NPAS3: variants seen among roughly 807,000 people sequenced by gnomAD.
The protein encoded by NPAS3 is neuronal PAS domain-containing protein 3.
In NPAS3, 14 loss-of-function variants were observed where a neutral mutation model predicts 73.1. The observed-to-expected ratio is 0.19, with a 90% CI of 0.13 to 0.30. The LOEUF (loss-of-function observed/expected upper bound fraction) is 0.30. NPAS3 is among the 10% of genes least tolerant of loss of function. NPAS3 has a pLI of 1.00. For synonymous variants in NPAS3, 620 were observed against 541.5 expected, an observed-to-expected ratio of 1.14 and a Z score of -2.01; for missense variants, 1,096 against 1,250.0, an observed-to-expected ratio of 0.88 and a Z score of 1.86.
intron 6 of NPAS3, among the ~76,000 whole-genome samples, chr14:33,714,284 G>C (rs182618411): frequency 6.8e-6 from 1 of 147,984 alleles, no homozygotes; most frequent in African/African-American, 2.5e-5. Context: ...CTAATGGAAT[G>C]TAAGCTCTAT....
At chr14:33,739,459 A>G (rs1317591574) in intron 7 of NPAS3, among the ~76,000 whole-genome samples, 1 of 152,220 alleles carries the variant, frequency 6.6e-6, no homozygotes, top group Non-Finnish European at 1.5e-5. Flanking sequence ...GCATCTAAAC[A>G]TGAAGTTACA....
At chr14:33,159,343 G>A (rs1464480896) in intron 2 of NPAS3, among the ~76,000 whole-genome samples, 1 of 152,028 alleles carries the variant, frequency 6.6e-6, no homozygotes, top group Non-Finnish European at 1.5e-5. Context: ...ACAGTAAGTC[G>A]TGAGGCATCT....
intron 3 of NPAS3, among the ~76,000 whole-genome samples, chr14:33,220,179 G>T (rs541519515): frequency 2.6e-5 from 4 of 152,290 alleles, no homozygotes; most frequent in African/African-American, 9.6e-5. Context: ...GGCAAAGATG[G>T]TAACTCAGTT....
rs554674505 is a variant in NPAS3, at chr14:33,355,752, C to T, written c.386-11434C>T. Among the ~76,000 whole-genome samples, 31 of 152,306 alleles carry T rather than the reference C, an allele frequency of 2.0e-4. 1 individual carries two copies. The highest frequency in any genetic ancestry group is 1.4e-3 in the Admixed American group (21 of 15,302). ...CCTTCACCTGGACATCATGTCCCTC[C>T]TTCCCTTTATTCCTGTCTCCACTCA... On this transcript the variant is annotated intron_variant, in intron 3 of 11. Transcript: ENST00000356141.
At chr14:33,126,963 G>T (rs967969590) in intron 2 of NPAS3, among the ~76,000 whole-genome samples, 1 of 151,800 alleles carries the variant, frequency 6.6e-6, no homozygotes, top group Admixed American at 6.6e-5. Flanking sequence ...TCACTTCACC[G>T]CTCAATTTAA....
intron 3 of NPAS3, among the ~76,000 whole-genome samples, chr14:33,250,700 ATCCTCTTTTTTTCCT>A: frequency 6.6e-6 from 1 of 152,092 alleles, no homozygotes; most frequent in Non-Finnish European, 1.5e-5. Context: ...GTTATGAATG[ATCCTCTTTTTTTCCT>A]TCCTCTTTTG....
chr14:33,350,368 T>C (rs2044976991), intron 3 of NPAS3, among the ~76,000 whole-genome samples: 1 of 152,254 alleles, frequency 6.6e-6, no homozygotes, highest in African/African-American at 2.4e-5. Context: ...CATTCTCCTC[T>C]GCCTTCCACA....
intron 2 of NPAS3, among the ~76,000 whole-genome samples, chr14:33,178,373 G>A (rs1196733544): frequency 2.6e-5 from 4 of 151,848 alleles, no homozygotes; most frequent in South Asian, 4.2e-4. Flanking sequence ...GCACCCGGCC[G>A]AAGTGAATCT....
rs192179310 is a variant in NPAS3, at chr14:33,454,397, C to T, written c.468+87129C>T. ...TATGGTTTCTTAACTTTCTGTGGCC[C>T]AACCATAAAATGAGGATAATAAACA... On this transcript the variant is annotated intron_variant, in intron 4 of 11. Coordinates refer to ENST00000356141, the Ensembl canonical transcript of NPAS3. Among the ~76,000 whole-genome samples the T allele has an allele frequency of 7.1e-4, 108 of 152,240 alleles. 1 individual carries two copies. Among genetic ancestry groups the T allele is most frequent in the African/African-American group, 2.5e-3 (102 of 41,544 alleles).
chr14:33,077,774 G>GTTTGTTTTTT (rs1555333249), intron 2 of NPAS3, among the ~76,000 whole-genome samples: 46 of 87,490 alleles, frequency 5.3e-4, no homozygotes, highest in African/African-American at 1.7e-3. Flanking sequence ...TGCAGTAAGG[G>GTTTGTTTTTT]TTTTTTTTTT....
intron 3 of NPAS3, among the ~76,000 whole-genome samples, chr14:33,346,939 T>G (rs1013210340): frequency 1.3e-5 from 2 of 152,188 alleles, no homozygotes; most frequent in Non-Finnish European, 2.9e-5. Context: ...CCTGCCAATA[T>G]GTTTCCTCCA....
At chr14:33,243,259 CT>C (rs2048267862) in intron 3 of NPAS3, among the ~76,000 whole-genome samples, 1 of 152,078 alleles carries the variant, frequency 6.6e-6, no homozygotes, top group Non-Finnish European at 1.5e-5. Context: ...GAGAAAGTTT[CT>C]GGAGAGAATA....
At chr14:33,250,613 A>G (rs945348148) in intron 3 of NPAS3, among the ~76,000 whole-genome samples, 1 of 152,120 alleles carries the variant, frequency 6.6e-6, no homozygotes, top group African/African-American at 2.4e-5. Flanking sequence ...CTTGCACCCT[A>G]TGTGGAGGAT....
chr14:33,281,307 G>A (rs965484946), intron 3 of NPAS3, among the ~76,000 whole-genome samples: 3 of 152,156 alleles, frequency 2.0e-5, no homozygotes, highest in Non-Finnish European at 4.4e-5. Context: ...AATGTTTTGT[G>A]GCAGATGATT....
At chr14:33,606,435 G>T (rs986470016) in intron 5 of NPAS3, among the ~76,000 whole-genome samples, 1 of 151,584 alleles carries the variant, frequency 6.6e-6, no homozygotes, top group Non-Finnish European at 1.5e-5. Flanking sequence ...AGTATTCCAT[G>T]GTGTATATGA....
chr14:33,536,174 A>T (rs2054253528), intron 4 of NPAS3, among the ~76,000 whole-genome samples: 1 of 152,174 alleles, frequency 6.6e-6, no homozygotes, highest in Non-Finnish European at 1.5e-5. Flanking sequence ...AAACCTGAAG[A>T]CATAGAGAGA....
At chr14:33,799,469 G>A (rs897977411) in intron 11 of NPAS3, among the ~76,000 whole-genome samples, 1 of 152,318 alleles carries the variant, frequency 6.6e-6, no homozygotes. Context: ...CAGAGAGTCT[G>A]CATTTGCAGC....
chr14:33,269,270 C>A (rs243305), intron 3 of NPAS3, among the ~76,000 whole-genome samples: 5 of 152,098 alleles, frequency 3.3e-5, no homozygotes, highest in East Asian at 1.9e-4. Context: ...AAGTTTAATC[C>A]ACACAACACC....
chr14:33,064,348 C>T (rs1023770578), intron 2 of NPAS3, among the ~76,000 whole-genome samples: 1 of 152,038 alleles, frequency 6.6e-6, no homozygotes, highest in Non-Finnish European at 1.5e-5. Flanking sequence ...ATTGTCCTAC[C>T]AGCAACAAAG....
Sources: gnomAD v4.1 joint callset for allele counts (sites outside exome capture counted in the v4.1 genomes callset) on GRCh38, gnomAD v4.1.1 for gene constraint, MANE v1.5 for transcripts, NCBI Gene and HGNC (gene_info 2026-07-23, HGNC 2026-07-21) for gene names.